PDK1: variants seen among roughly 807,000 people sequenced by gnomAD.
The protein encoded by PDK1 is [Pyruvate dehydrogenase (acetyl-transferring)] kinase isozyme 1, mitochondrial.
Under a neutral mutation model 54.2 loss-of-function variants are expected in PDK1, and 39 were observed. The observed-to-expected ratio is 0.72, with a 90% CI of 0.56 to 0.94. The LOEUF (loss-of-function observed/expected upper bound fraction) is 0.94, where lower values mean the gene tolerates loss of function less well. Among genes scored for constraint, PDK1 ranks in the 40% least tolerant of loss-of-function variants. PDK1 has a pLI of 0.00. For synonymous variants in PDK1, 221 were observed against 207.1 expected, an observed-to-expected ratio of 1.07 and a Z score of -0.58; for missense variants, 552 against 566.0, an observed-to-expected ratio of 0.98 and a Z score of 0.25.
chr2:172,645,861 A>G, the PDK1 span, among the ~76,000 whole-genome samples: 1 of 152,224 alleles, frequency 6.6e-6, no homozygotes, highest in Non-Finnish European at 1.5e-5. Context: ...AATCAGTTTG[A>G]TCATGCAGTA....
the PDK1 span, among the ~76,000 whole-genome samples, chr2:172,665,406 G>A: frequency 6.6e-6 from 1 of 152,052 alleles, no homozygotes; most frequent in African/African-American, 2.4e-5. Context: ...GTGTGGTGAG[G>A]GAATGAGAAA....
the PDK1 span, among the ~76,000 whole-genome samples, chr2:172,708,155 A>G: frequency 1.6e-4 from 24 of 152,040 alleles, no homozygotes; most frequent in Non-Finnish European, 2.9e-4. Flanking sequence ...TTAGCTGGGC[A>G]TAGTGCACCT....
chr2:172,685,784 T>C, the PDK1 span, among the ~76,000 whole-genome samples: 1 of 152,230 alleles, frequency 6.6e-6, no homozygotes, highest in East Asian at 1.9e-4. Flanking sequence ...TTCTATCAAA[T>C]TACCTCCAAA....
At chr2:172,694,670 G>A in the PDK1 span, among the ~76,000 whole-genome samples, 1 of 152,196 alleles carries the variant, frequency 6.6e-6, no homozygotes, top group Non-Finnish European at 1.5e-5. Context: ...CTTGCACCGT[G>A]AACTGCAGGG....
intron 2 of PDK1, among the ~76,000 whole-genome samples, chr2:172,559,089 C>G (rs1688516910): frequency 6.6e-6 from 1 of 152,182 alleles, no homozygotes; most frequent in African/African-American, 2.4e-5. Context: ...ACTGGGATTA[C>G]AGGCACGTGC....
the PDK1 span, among the ~76,000 whole-genome samples, chr2:172,680,728 A>C: frequency 2.0e-5 from 3 of 152,252 alleles, no homozygotes; most frequent in African/African-American, 7.2e-5. Context: ...CTCATTGAAA[A>C]CTTGACTCCA....
chr2:172,606,629 T>A lies in PDK1; in HGVS notation c.*10660T>A, dbSNP rs1255388571. The A allele has an allele frequency of 1.3e-5, 2 of 151,998 alleles. No individual in the cohort carries two copies. Among genetic ancestry groups the A allele is most frequent in the African/African-American group, 4.8e-5 (2 of 41,354 alleles). The allele number at this position is 151,998 out of a possible 1,614,324, so 9.4% of individuals were successfully genotyped here. On this transcript the variant is annotated 3_prime_UTR_variant, in exon 11 of 11. Coordinates refer to ENST00000282077, the MANE Select transcript of PDK1 (RefSeq NM_002610.5). ...TCAGGTTAAGTTCCTGATACAGAAG[T>A]GGCATCAGTGCTGGTGTTAATGGCT...
At chr2:172,703,766 C>CTTTCTTTTTT in the PDK1 span, among the ~76,000 whole-genome samples, 2 of 89,118 alleles carry the variant, frequency 2.2e-5, no homozygotes, top group Admixed American at 1.3e-4. Flanking sequence ...TTCTTTCTTT[C>CTTTCTTTTTT]TTTTTTTTTT....
rs1180467539 is a variant in PDK1 at position 172,606,922 on chromosome 2, A to C, written c.*10953A>C. On this transcript the variant is annotated 3_prime_UTR_variant, in exon 11 of 11. Coordinates refer to ENST00000282077, the MANE Select transcript of PDK1 (RefSeq NM_002610.5). ...CCCATTAAACAGTGGTAGTTTCTCTATCATGCCACTTTTGTAGCATGCTTT... is the reference window on the plus strand; with the variant it reads ...CCCATTAAACAGTGGTAGTTTCTCTCTCATGCCACTTTTGTAGCATGCTTT... 6.6e-6 allele frequency: 1 copy of C among 152,126 alleles called. No homozygotes were observed. Among genetic ancestry groups the C allele is most frequent in the Non-Finnish European group, 1.5e-5 (1 of 68,016 alleles). 9.4% of individuals were successfully genotyped at this position (152,126 alleles called of 1,614,324 possible). A position where few individuals can be genotyped will look rare whatever the true frequency, so the allele number is the denominator to read the frequency against.
chr2:172,640,992 TTTCTTTTTC>T, the PDK1 span, among the ~76,000 whole-genome samples: 1 of 69,560 alleles, frequency 1.4e-5, no homozygotes, highest in Non-Finnish European at 3.3e-5. Context: ...TCTTTCTTTC[TTTCTTTTTC>T]TTTTCTTTCT....
chr2:172,705,161 G>C, the PDK1 span, among the ~76,000 whole-genome samples: 2 of 152,142 alleles, frequency 1.3e-5, no homozygotes, highest in East Asian at 3.8e-4. Flanking sequence ...ATTAAATTTT[G>C]TATAAAATGT....
intron 10 of PDK1, 35 bp downstream of exon 10, chr2:172,593,083 T>G (rs759042326): frequency 9.1e-7 from 1 of 1,096,560 alleles, no homozygotes; most frequent in South Asian, 1.3e-5. Flanking sequence ...TAATATTTCT[T>G]TTGATGATAA....
the PDK1 span, among the ~76,000 whole-genome samples, chr2:172,668,826 CACAT>C: frequency 2.7e-5 from 4 of 146,282 alleles, no homozygotes; most frequent in East Asian, 3.9e-4. Flanking sequence ...TATATATACA[CACAT>C]ATGTATGTAT....
the PDK1 span, among the ~76,000 whole-genome samples, chr2:172,692,684 A>G: frequency 3.9e-5 from 6 of 152,174 alleles, no homozygotes; most frequent in Admixed American, 2.0e-4. Context: ...CAGTGAGGTG[A>G]TGCTGGGAGC....
chr2:172,647,893 C>T, the PDK1 span, among the ~76,000 whole-genome samples: 4 of 152,262 alleles, frequency 2.6e-5, no homozygotes. Flanking sequence ...AAGAATCAAG[C>T]TGAATATCAC....
In PDK1 at chr2:172,604,721, C is replaced by T. The variant is rs1279953880; in HGVS notation, c.*8752C>T. The T allele has an allele frequency of 2.0e-5, 3 of 152,126 alleles. No homozygotes were observed. The highest frequency in any genetic ancestry group is 2.9e-5 in the Non-Finnish European group (2 of 68,036). The allele number at this position is 152,126 out of a possible 1,614,324, so 9.4% of individuals were successfully genotyped here. A position where few individuals can be genotyped will look rare whatever the true frequency, so the allele number is the denominator to read the frequency against. On this transcript the variant is annotated 3_prime_UTR_variant, in exon 11 of 11. Transcript: ENST00000282077. ...ACTTGACTTTGCCCTCTTGTCTAGC[C>T]CTCTCCATTTAGACTTGGAAGGGTC... is the stretch of plus-strand genomic sequence containing the variant.
At chr2:172,668,426 A>G in the PDK1 span, among the ~76,000 whole-genome samples, 1 of 152,218 alleles carries the variant, frequency 6.6e-6, no homozygotes, top group South Asian at 2.1e-4. Context: ...CTTGTGATTC[A>G]GTTCTATGAT....
At chr2:172,689,632 G>A in the PDK1 span, among the ~76,000 whole-genome samples, 1 of 152,238 alleles carries the variant, frequency 6.6e-6, no homozygotes, top group African/African-American at 2.4e-5. Flanking sequence ...AAACAGCATG[G>A]TACTGGTACC....
intron 8 of PDK1, among the ~76,000 whole-genome samples, chr2:172,582,306 A>G (rs1689955980): frequency 6.6e-6 from 1 of 152,186 alleles, no homozygotes; most frequent in South Asian, 2.1e-4. Context: ...TGGCTAAGAA[A>G]CTTTAGGAAC....
Sources: gnomAD v4.1 joint callset for allele counts (sites outside exome capture counted in the v4.1 genomes callset) on GRCh38, gnomAD v4.1.1 for gene constraint, MANE v1.5 for transcripts, NCBI Gene and HGNC (gene_info 2026-07-23, HGNC 2026-07-21) for gene names.